Variants in MEI4 observed in about 807,000 individuals in gnomAD.
The protein encoded by MEI4 is meiosis-specific protein MEI4.
In MEI4, 27 loss-of-function variants were observed where a neutral mutation model predicts 31.4. The ratio of observed to expected loss-of-function variants is 0.86; its 90% CI spans 0.63 to 1.19. The LOEUF is 1.19. MEI4 is among the 50% of genes most tolerant of loss of function. The pLI is 0.00. For synonymous variants in MEI4, 122 were observed against 145.4 expected, an observed-to-expected ratio of 0.84 and a Z score of 1.16; for missense variants, 329 against 398.9, an observed-to-expected ratio of 0.82 and a Z score of 1.49.
intron 4 of MEI4, among the ~76,000 whole-genome samples, chr6:77,851,854 A>G (rs973557225): frequency 1.6e-4 from 25 of 152,184 alleles, no homozygotes; most frequent in African/African-American, 5.3e-4. Context: ...CTTTTACTAC[A>G]TGGTATCTGG....
chr6:77,745,677 GCACCA>G (rs1289680575), intron 2 of MEI4, among the ~76,000 whole-genome samples: 1 of 151,968 alleles, frequency 6.6e-6, no homozygotes, highest in African/African-American at 2.4e-5. Context: ...ATTTTTTTCA[GCACCA>G]CACCACACCT....
At chr6:77,884,738 T>C (rs9341704) in intron 4 of MEI4, among the ~76,000 whole-genome samples, 9 of 152,124 alleles carry the variant, frequency 5.9e-5, no homozygotes, top group Non-Finnish European at 1.0e-4. Flanking sequence ...CCAATACCAT[T>C]CTGGTTTGGT....
At chr6:77,699,000 C>T (rs1461027697) in intron 2 of MEI4, among the ~76,000 whole-genome samples, 16 of 151,978 alleles carry the variant, frequency 1.1e-4, no homozygotes, top group South Asian at 4.1e-4. Context: ...CTTCCCTTCT[C>T]GCTTCATTTC....
At chr6:77,777,704 A>G (rs1295725457) in intron 3 of MEI4, among the ~76,000 whole-genome samples, 1 of 152,198 alleles carries the variant, frequency 6.6e-6, no homozygotes, top group Non-Finnish European at 1.5e-5. Context: ...GGATTAGCAG[A>G]TATCTAAGGA....
At chr6:77,704,901 T>C (rs1321668707) in intron 2 of MEI4, among the ~76,000 whole-genome samples, 4 of 152,076 alleles carry the variant, frequency 2.6e-5, no homozygotes, top group African/African-American at 9.7e-5. Context: ...CCAAGTGACA[T>C]TTGGCACCTG....
intron 3 of MEI4, among the ~76,000 whole-genome samples, chr6:77,794,959 G>A (rs1393830847): frequency 6.6e-6 from 1 of 152,178 alleles, no homozygotes. Flanking sequence ...TCACAAGGAT[G>A]TGCATTTTGA....
chr6:77,798,992 C>T (rs1769167205), intron 3 of MEI4, among the ~76,000 whole-genome samples: 1 of 152,012 alleles, frequency 6.6e-6, no homozygotes. Context: ...ATTTATAGTC[C>T]TTTGGGTATA....
intron 3 of MEI4, among the ~76,000 whole-genome samples, chr6:77,804,389 C>A (rs931867277): frequency 3.3e-5 from 5 of 152,186 alleles, no homozygotes; most frequent in African/African-American, 9.7e-5. Context: ...ATTCCCTGAC[C>A]CCTTGCACTT....
chr6:77,883,066 G>A (rs1403219058), intron 4 of MEI4, among the ~76,000 whole-genome samples: 1 of 152,044 alleles, frequency 6.6e-6, no homozygotes, highest in East Asian at 1.9e-4. Flanking sequence ...TATCGGTTAA[G>A]TAAATTAATT....
chr6:77,690,575 T>C (rs1769139908), intron 1 of MEI4, 83 bp from the exon 2 acceptor site: 1 of 582,582 alleles, frequency 1.7e-6, no homozygotes, highest in Non-Finnish European at 2.5e-6. Context: ...TTAATGTTAC[T>C]CTGCAAAATC....
intron 2 of MEI4, among the ~76,000 whole-genome samples, chr6:77,734,505 A>T (rs189141033): frequency 6.6e-6 from 1 of 151,744 alleles, no homozygotes; most frequent in Admixed American, 6.6e-5. Flanking sequence ...TCTTCCTCCA[A>T]TCTTTTATTT....
intron 2 of MEI4, among the ~76,000 whole-genome samples, chr6:77,752,218 A>T (rs561595277): frequency 9.2e-5 from 14 of 152,332 alleles, no homozygotes; most frequent in African/African-American, 3.4e-4. Context: ...CAAGACAAGG[A>T]TGCCCTCTCT....
chr6:77,700,193 G>T (rs1047682147), intron 2 of MEI4, among the ~76,000 whole-genome samples: 1 of 152,224 alleles, frequency 6.6e-6, no homozygotes, highest in Non-Finnish European at 1.5e-5. Context: ...GCCCCTAGAG[G>T]TGGAGCCTAC....
intron 2 of MEI4, among the ~76,000 whole-genome samples, chr6:77,706,801 C>T (rs546092456): frequency 6.6e-6 from 1 of 152,160 alleles, no homozygotes; most frequent in Non-Finnish European, 1.5e-5. Flanking sequence ...CCATGTGATA[C>T]ACCGGCTCCC....
At chr6:77,742,327 A>G (rs111349465) in intron 2 of MEI4, among the ~76,000 whole-genome samples, 1 of 151,608 alleles carries the variant, frequency 6.6e-6, no homozygotes, top group South Asian at 2.1e-4. Context: ...CTGGTGTGAG[A>G]TGGTATCTCA....
intron 4 of MEI4, among the ~76,000 whole-genome samples, chr6:77,914,861 C>G (rs947577046): frequency 1.3e-5 from 2 of 151,988 alleles, no homozygotes; most frequent in East Asian, 3.9e-4. Context: ...TCTATTTTAT[C>G]AAAGTATCAC....
intron 2 of MEI4, among the ~76,000 whole-genome samples, chr6:77,734,284 G>T (rs963778766): frequency 2.0e-5 from 3 of 151,420 alleles, no homozygotes; most frequent in Admixed American, 1.3e-4. Context: ...AGGTCACTCA[G>T]GGCTTGCTTT....
intron 1 of MEI4, among the ~76,000 whole-genome samples, chr6:77,688,587 CT>C (rs1400701593): frequency 6.6e-6 from 1 of 152,114 alleles, no homozygotes; most frequent in Non-Finnish European, 1.5e-5. Context: ...TTAAATATCT[CT>C]GCAGGATGAC....
intron 3 of MEI4, among the ~76,000 whole-genome samples, chr6:77,779,897 T>C (rs989515281): frequency 2.6e-5 from 4 of 152,318 alleles, no homozygotes; most frequent in Non-Finnish European, 4.4e-5. Context: ...TAACATAACA[T>C]AGGCATTTGA....
Sources: allele counts gnomAD v4.1 joint callset (sites outside exome capture counted in the v4.1 genomes callset), GRCh38; gene constraint gnomAD v4.1.1; transcripts MANE v1.5; gene names NCBI Gene and HGNC (gene_info 2026-07-23, HGNC 2026-07-21).